Variants in DCLK1 observed in about 807,000 individuals in gnomAD.
DCLK1 encodes the protein doublecortin like kinase 1.
In DCLK1, 16 loss-of-function variants were observed where a neutral mutation model predicts 86.2. The ratio of observed to expected loss-of-function variants is 0.19; its 90% CI spans 0.13 to 0.28. The LOEUF is 0.28. Ranked by LOEUF, DCLK1 falls within the 10% of genes least tolerant of loss-of-function variation. The pLI, the probability that DCLK1 is intolerant of heterozygous loss-of-function variation, is 1.00. For missense variants in DCLK1, 590 were observed against 940.2 expected, an observed-to-expected ratio of 0.63 and a Z score of 4.87; for synonymous variants, 369 against 370.5, an observed-to-expected ratio of 1.00 and a Z score of 0.05.
At chr13:36,115,328 T>TAAAAA (rs10627322) in intron 2 of DCLK1, among the ~76,000 whole-genome samples, 24,619 of 151,694 alleles carry the variant, frequency 0.16, 2,278 homozygotes, top group Middle Eastern at 0.21. Flanking sequence ...GAATTTATCT[T>TAAAAA]AAACAAACAA....
At chr13:36,030,523 T>C (rs1329011853) in intron 3 of DCLK1, among the ~76,000 whole-genome samples, 1 of 149,978 alleles carries the variant, frequency 6.7e-6, no homozygotes, top group Admixed American at 6.7e-5. Flanking sequence ...GCCAGGCTGG[T>C]CTCAAACTCC....
intron 2 of DCLK1, among the ~76,000 whole-genome samples, chr13:36,120,812 T>C (rs975112581): frequency 2.0e-5 from 3 of 152,042 alleles, no homozygotes; most frequent in African/African-American, 7.2e-5. Flanking sequence ...TGAGAAGACA[T>C]ACAGTTTTCT....
intron 4 of DCLK1, among the ~76,000 whole-genome samples, chr13:35,924,318 G>A (rs554295077): frequency 5.9e-5 from 9 of 152,132 alleles, no homozygotes; most frequent in East Asian, 3.9e-4. Context: ...TCTTGTCACC[G>A]TCAAGACCAA....
intron 4 of DCLK1, among the ~76,000 whole-genome samples, chr13:35,900,906 A>C (rs1874315137): frequency 6.6e-6 from 1 of 152,188 alleles, no homozygotes; most frequent in South Asian, 2.1e-4. Context: ...ACTATTCTCA[A>C]TAAGAACAGG....
At chr13:35,837,150 T>A (rs1036978212) in intron 7 of DCLK1, among the ~76,000 whole-genome samples, 1 of 152,212 alleles carries the variant, frequency 6.6e-6, no homozygotes, top group Non-Finnish European at 1.5e-5. Context: ...GCTTTCTTAG[T>A]AGTTTTTGTA....
chr13:35,851,732 C>T lies in DCLK1; in HGVS notation c.1035+2767G>A, dbSNP rs145856110. On this transcript the variant is annotated intron_variant, in intron 6 of 16. Coordinates refer to ENST00000360631, the MANE Select transcript of DCLK1 (RefSeq NM_001330071.2). Reference sequence around the variant, plus strand: ...AAATAGGTTACTTGGTACATTGCCACGAATATGCTTATGAAGAGAAATGTC... The same window carrying T: ...AAATAGGTTACTTGGTACATTGCCATGAATATGCTTATGAAGAGAAATGTC... Among the ~76,000 whole-genome samples, 26 of 152,196 alleles carry T rather than the reference C, an allele frequency of 1.7e-4. No homozygotes were observed. The East Asian group carries it at 4.2e-3, about 25-fold the overall frequency.
At chr13:35,932,625 G>A (rs1876520026) in intron 4 of DCLK1, among the ~76,000 whole-genome samples, 2 of 152,280 alleles carry the variant, frequency 1.3e-5, no homozygotes, top group South Asian at 4.1e-4. Context: ...AGATGCAAAA[G>A]TGGAAATCCC....
chr13:35,964,144 G>T (rs1042058646), intron 3 of DCLK1, among the ~76,000 whole-genome samples: 4 of 152,122 alleles, frequency 2.6e-5, no homozygotes, highest in Non-Finnish European at 4.4e-5. Flanking sequence ...AAGAAGATAA[G>T]TGGCAATAAT....
At chr13:35,986,875 A>C (rs745958161) in intron 3 of DCLK1, among the ~76,000 whole-genome samples, 1 of 152,160 alleles carries the variant, frequency 6.6e-6, no homozygotes, top group Non-Finnish European at 1.5e-5. Flanking sequence ...ACATGTGGTC[A>C]GGGAGGGAGA....
intron 4 of DCLK1, among the ~76,000 whole-genome samples, chr13:35,875,031 G>A (rs1872515857): frequency 6.6e-6 from 1 of 152,180 alleles, no homozygotes; most frequent in Admixed American, 6.5e-5. Context: ...CAAAGTTTTG[G>A]AACTCAAAAC....
intron 3 of DCLK1, among the ~76,000 whole-genome samples, chr13:35,998,345 G>A (rs1192154934): frequency 6.6e-6 from 1 of 152,038 alleles, no homozygotes; most frequent in Non-Finnish European, 1.5e-5. Flanking sequence ...AAGAAAAATA[G>A]AGCCCTTTCA....
At chr13:35,845,060 C>T (rs1238260076) in intron 6 of DCLK1, among the ~76,000 whole-genome samples, 2 of 152,126 alleles carry the variant, frequency 1.3e-5, no homozygotes, top group African/African-American at 4.8e-5. Context: ...ACAGCCTGGC[C>T]AACATGGCGA....
intron 10 of DCLK1, among the ~76,000 whole-genome samples, chr13:35,825,766 C>A (rs1259280455): frequency 1.3e-5 from 2 of 151,934 alleles, no homozygotes; most frequent in Non-Finnish European, 2.9e-5. Context: ...AAAGCACCAA[C>A]GGGAAAATCT....
intron 3 of DCLK1, among the ~76,000 whole-genome samples, chr13:36,104,704 G>T (rs752294670): frequency 1.3e-5 from 2 of 149,350 alleles, no homozygotes; most frequent in African/African-American, 2.5e-5. Flanking sequence ...CGGTGGGATG[G>T]ATTGCCAATA....
chr13:36,066,514 G>T (rs1214408188), intron 3 of DCLK1, among the ~76,000 whole-genome samples: 1 of 152,104 alleles, frequency 6.6e-6, no homozygotes, highest in Admixed American at 6.5e-5. Flanking sequence ...AATGAACTTA[G>T]CATGGCCCAA....
At chr13:36,106,315 T>C (rs560887613) in intron 3 of DCLK1, among the ~76,000 whole-genome samples, 1 of 152,286 alleles carries the variant, frequency 6.6e-6, no homozygotes, top group African/African-American at 2.4e-5. Flanking sequence ...CCTAAAATAG[T>C]ACATTCTATT....
intron 3 of DCLK1, among the ~76,000 whole-genome samples, chr13:35,958,444 C>T (rs1878265047): frequency 6.7e-6 from 1 of 149,452 alleles, no homozygotes; most frequent in South Asian, 2.1e-4. Context: ...ACAACACCAT[C>T]ACCACTATAA....
At chr13:35,781,360 G>T (rs1329916681) in intron 16 of DCLK1, among the ~76,000 whole-genome samples, 1 of 152,118 alleles carries the variant, frequency 6.6e-6, no homozygotes, top group East Asian at 1.9e-4. Flanking sequence ...GACTGAAAGG[G>T]GGTTATTGTG....
intron 3 of DCLK1, among the ~76,000 whole-genome samples, chr13:36,072,512 C>T (rs907183560): frequency 6.6e-6 from 1 of 152,206 alleles, no homozygotes; most frequent in African/African-American, 2.4e-5. Context: ...ATCTTCAGGC[C>T]AGACTTCTTT....
Sources: gnomAD v4.1 joint callset for allele counts (sites outside exome capture counted in the v4.1 genomes callset) on GRCh38, gnomAD v4.1.1 for gene constraint, MANE v1.5 for transcripts, NCBI Gene and HGNC (gene_info 2026-07-23, HGNC 2026-07-21) for gene names.